Variants in NBPF3 observed in about 807,000 individuals in gnomAD.
NBPF3 encodes the protein NBPF member 3, also known as NBPF family member NBPF3.
In NBPF3, 57 loss-of-function variants were observed where a neutral mutation model predicts 78.1. The observed-to-expected ratio is 0.73, with a 90% CI of 0.59 to 0.91. The LOEUF (loss-of-function observed/expected upper bound fraction) is 0.91. Among genes scored for constraint, NBPF3 ranks in the 40% least tolerant of loss-of-function variants. The pLI is 0.00. For missense variants in NBPF3, 510 were observed against 715.3 expected, an observed-to-expected ratio of 0.71 and a Z score of 3.27; for synonymous variants, 182 against 271.7, an observed-to-expected ratio of 0.67 and a Z score of 3.25.
intron 2 of NBPF3, among the ~76,000 whole-genome samples, chr1:21,452,425 A>G (rs1207281847): frequency 2.0e-5 from 3 of 152,240 alleles, no homozygotes; most frequent in African/African-American, 7.2e-5. Flanking sequence ...AGGAACCAGA[A>G]TAACAGAATA....
Position 21,471,747 on chromosome 1 carries a change from A to G in NBPF3, c.625A>G (p.Arg209Gly). 6.2e-7 allele frequency: 1 copy of G among 1,613,026 alleles called. No homozygotes were observed. The change falls in exon 5 of 15, where the codon AGG becomes GGG. Residue 209 changes from arginine (R) to glycine (G), a missense_variant. Arg to Gly is a moderately radical substitution (Grantham distance 125, BLOSUM62 -2). Coordinates refer to ENST00000318249, the MANE Select transcript of NBPF3 (RefSeq NM_032264.6). ...CCGAGAACAGCTGGCTGAGGGATGT[A>G]GGCTGGCACAGCACCTCGTCCAAAA... ...DLREQLAEGC[R>G]LAQHLVQKLS...
rs1642914247 is a variant in NBPF3, at chr1:21,476,895, C to T, written c.993-1249C>T. Among the ~76,000 whole-genome samples, 1 of 152,186 alleles carries T rather than the reference C, an allele frequency of 6.6e-6. No individual in the cohort carries two copies. The highest frequency in any genetic ancestry group is 1.5e-5 in the Non-Finnish European group (1 of 68,034). ...TTTTCCAACTTGGTTCCATTCTCCC[C>T]GTCACTTTCAGGTACACCAATCAAA... On this transcript the variant is annotated intron_variant, in intron 8 of 14. Coordinates refer to ENST00000318249, the MANE Select transcript of NBPF3 (RefSeq NM_032264.6). The surrounding 1 kb of genome is among the most constrained non-coding windows in gnomAD (Gnocchi z 4.1).
At chr1:21,445,598 T>TGGCTCACCCCCTCCC in intron 2 of NBPF3, among the ~76,000 whole-genome samples, 2 of 151,464 alleles carry the variant, frequency 1.3e-5, no homozygotes, top group South Asian at 4.2e-4. Context: ...TCAGCTTTGA[T>TGGCTCACCCCCTCCC]GGCTCACCCC....
intron 2 of NBPF3, among the ~76,000 whole-genome samples, chr1:21,457,766 A>G (rs1641713018): frequency 6.6e-6 from 1 of 152,202 alleles, no homozygotes; most frequent in Non-Finnish European, 1.5e-5. Context: ...ATTCCTAGGA[A>G]TGTACACACT....
chr1:21,437,488 G>C, upstream of NBPF3: 5 of 1,463,644 alleles, frequency 3.4e-6, no homozygotes, highest in Non-Finnish European at 4.6e-6. Context: ...AGGACGCCCA[G>C]CGCGAGGTGC....
intron 1 of NBPF3, chr1:21,442,369 C>A (rs1174937324): frequency 6.6e-6 from 1 of 152,146 alleles, no homozygotes; most frequent in Admixed American, 6.5e-5. Context: ...GGGAGTACCA[C>A]CACACTCAGC....
In NBPF3 at chr1:21,468,553, G is replaced by A. The variant is rs536478811; in HGVS notation, c.134-135G>A. 1.2e-5 allele frequency: 19 copies of A among 1,546,060 alleles called. No individual in the cohort carries two copies. The African/African-American group carries it at 2.3e-4, about 19-fold the overall frequency. On this transcript the variant is annotated intron_variant, in intron 2 of 14. Transcript: ENST00000318249. ...TGTTTTTGTCGTTAAGGATCCTAAA[G>A]TGCTGCGGGGACTGATCACATTTTT...
chr1:21,439,900 C>CT (rs920897701), upstream of NBPF3, among the ~76,000 whole-genome samples: 2 of 152,198 alleles, frequency 1.3e-5, no homozygotes, highest in Non-Finnish European at 2.9e-5. Flanking sequence ...AGGGCTGGTG[C>CT]TTTGAGAGAG....
intron 1 of NBPF3, among the ~76,000 whole-genome samples, chr1:21,442,632 T>C (rs1202950647): frequency 8.5e-5 from 13 of 152,152 alleles, no homozygotes; most frequent in Admixed American, 8.5e-4. Flanking sequence ...CACATTTTTC[T>C]GTGTTAACCT....
At chr1:21,453,901 C>A (rs890967832) in intron 2 of NBPF3, 3 of 152,144 alleles carry the variant, frequency 2.0e-5, no homozygotes, top group African/African-American at 7.2e-5. Flanking sequence ...TCCAGGCCTT[C>A]CCCAGAAGGC....
chr1:21,470,509 A>G (rs1642526000), intron 3 of NBPF3, 123 bp from the exon 4 acceptor site: 1 of 659,950 alleles, frequency 1.5e-6, no homozygotes, highest in South Asian at 1.6e-5. Flanking sequence ...GGAAATCCCT[A>G]CGTAGAGCCT....
Position 21,468,898 on chromosome 1 carries a change from GT to G in NBPF3, c.343+2del. On this transcript the variant is annotated splice_donor_variant, in intron 3 of 14. Coordinates refer to ENST00000318249, the MANE Select transcript of NBPF3 (RefSeq NM_032264.6). LOFTEE classifies it high-confidence loss of function. ...CTGGCCAACCGGCAAAATAATTACG[GT>G]AAGTTCTATAGGCTCACCATCACAA... The G allele has an allele frequency of 6.2e-7, 1 of 1,609,506 alleles. No homozygotes were observed. The highest frequency in any genetic ancestry group is 8.5e-7 in the Non-Finnish European group (1 of 1,176,036).
chr1:21,469,210 T>C (rs1422104302), intron 3 of NBPF3, among the ~76,000 whole-genome samples: 1 of 152,206 alleles, frequency 6.6e-6, no homozygotes, highest in African/African-American at 2.4e-5. Context: ...CTCTGTACCA[T>C]ATAAGATCCG....
Position 21,468,712 on chromosome 1 carries a change from C to T in NBPF3, c.158C>T (p.Thr53Ile). The change falls in exon 3 of 15, where the codon ACA becomes ATA. Residue 53 changes from threonine (T) to isoleucine (I), a missense_variant. Physicochemically the swap from Thr to Ile is moderately conservative, Grantham distance 89. This residue lies in a region of NBPF3 where 440 missense variants were observed against 478.2 expected (regional missense o/e 0.92). Transcript: ENST00000318249. ...GTCCCTGGCCCCACCTCTTCTGCCA[C>T]AAACGTCAGCATGGTGGTATCTGCC... is the stretch of plus-strand genomic sequence containing the variant. Reference protein sequence around the residue: ...PTVPGPTSSATNVSMVVSAGP... With the variant: ...PTVPGPTSSAINVSMVVSAGP... 1 of 1,613,400 alleles carries T rather than the reference C, an allele frequency of 6.2e-7. No homozygotes were observed.
Position 21,476,930 on chromosome 1 carries a change from G to T in NBPF3, c.993-1214G>T, listed in dbSNP as rs574456993. ...AGGTACACCAATCAAATGTAGATTT[G>T]GTCTTTTCACATAGTCCCATATTTA... On this transcript the variant is annotated intron_variant, in intron 8 of 14. Coordinates refer to ENST00000318249, the MANE Select transcript of NBPF3 (RefSeq NM_032264.6). The surrounding 1 kb of genome is among the most constrained non-coding windows in gnomAD (Gnocchi z 4.1). 6.6e-6 allele frequency among the ~76,000 whole-genome samples: 1 copy of T among 152,122 alleles called. No individual in the cohort carries two copies. The highest frequency in any genetic ancestry group is 2.4e-5 in the African/African-American group (1 of 41,524).
At chr1:21,459,702 C>A in intron 2 of NBPF3, 1 of 376,580 alleles carries the variant, frequency 2.7e-6, no homozygotes. Flanking sequence ...CATTTCATAA[C>A]ATTTCTTGTT....
At chr1:21,451,860 T>C (rs1375408185) in intron 2 of NBPF3, 4 of 815,112 alleles carry the variant, frequency 4.9e-6, no homozygotes, top group Middle Eastern at 5.7e-4. Flanking sequence ...CCAGTGTTAA[T>C]GCCATGAAGC....
At chr1:21,437,198 G>GTAGGGAGGA (rs11281695), upstream of NBPF3, among the ~76,000 whole-genome samples, 539 of 152,164 alleles carry the variant, frequency 3.5e-3, 4 homozygotes, top group African/African-American at 0.012. Context: ...CAGAGCCAGG[G>GTAGGGAGGA]TAGGGAGGAG....
At position 21,468,900 on chromosome 1, in the gene NBPF3, A is replaced by G. The variant is rs1642432815; in HGVS notation, c.343+3A>G. On this transcript the variant is annotated splice_donor_region_variant and intron_variant, in intron 3 of 14. Coordinates refer to ENST00000318249, the MANE Select transcript of NBPF3 (RefSeq NM_032264.6). ...GGCCAACCGGCAAAATAATTACGGT[A>G]AGTTCTATAGGCTCACCATCACAAA... 1.9e-6 allele frequency: 3 copies of G among 1,606,304 alleles called. No individual in the cohort carries two copies. The highest frequency in any genetic ancestry group is 2.2e-5 in the South Asian group (2 of 90,822).
Sources: gnomAD v4.1 joint callset for allele counts (sites outside exome capture counted in the v4.1 genomes callset) on GRCh38, gnomAD v4.1.1 for gene constraint, gnomAD v4.1.1 regional missense constraint, Gnocchi (gnomAD v3.1) non-coding constraint, MANE v1.5 for transcripts, NCBI Gene and HGNC (gene_info 2026-07-23, HGNC 2026-07-21) for gene names.